NSD2: variants seen among roughly 807,000 people sequenced by gnomAD.
NSD2 encodes the protein histone-lysine N-methyltransferase NSD2.
A neutral mutation model predicts 139.0 loss-of-function variants in NSD2; 12 were observed. The observed-to-expected ratio is 0.09, with a 90% confidence interval of 0.06 to 0.14. The LOEUF (loss-of-function observed/expected upper bound fraction) is 0.14. Among genes scored for constraint, NSD2 ranks in the 10% least tolerant of loss-of-function variants. The pLI is 1.00. For missense variants in NSD2, 1,155 were observed against 1,745.0 expected, an observed-to-expected ratio of 0.66 and a Z score of 6.02; for synonymous variants, 669 against 648.7, an observed-to-expected ratio of 1.03 and a Z score of -0.48.
intron 1 of NSD2, among the ~76,000 whole-genome samples, chr4:1,892,569 ACT>A (rs1228120670): frequency 6.7e-6 from 1 of 148,352 alleles, no homozygotes; most frequent in Admixed American, 6.6e-5. Context: ...ACCACTGATA[ACT>A]CTTTTTTTTT....
intron 9 of NSD2, among the ~76,000 whole-genome samples, chr4:1,949,973 G>GTGT (rs1577522416): frequency 6.6e-6 from 1 of 152,052 alleles, no homozygotes; most frequent in Non-Finnish European, 1.5e-5. Context: ...TTCTGACTTC[G>GTGT]TGTTCATTGG....
intron 1 of NSD2, chr4:1,893,877 G>C (rs1050659719): frequency 1.3e-5 from 2 of 152,158 alleles, no homozygotes; most frequent in South Asian, 2.1e-4. Context: ...ATTTACCTGG[G>C]CATAAAATTC....
chr4:1,921,682 T>G (rs1720145054), intron 5 of NSD2, among the ~76,000 whole-genome samples: 1 of 144,208 alleles, frequency 6.9e-6, no homozygotes, highest in African/African-American at 2.6e-5. Flanking sequence ...CTTGAGAGGT[T>G]GAGAAAGGAG....
intron 3 of NSD2, among the ~76,000 whole-genome samples, chr4:1,905,164 A>C (rs768444159): frequency 6.6e-6 from 1 of 152,188 alleles, no homozygotes; most frequent in Non-Finnish European, 1.5e-5. Context: ...TGTCCCTGAT[A>C]CAGAGCAAAT....
rs78328023 is a variant in NSD2, at chr4:1,948,064, G to A, written c.1882-3008G>A. 7,658 of 1,057,352 alleles carry A rather than the reference G, an allele frequency of 7.2e-3. 185 individuals are homozygous for A. In the African/African-American group the frequency reaches 0.074, roughly 10 times the overall value. 65.5% of individuals were successfully genotyped at this position (1,057,352 alleles called of 1,614,324 possible). On this transcript the variant is annotated intron_variant, in intron 9 of 21. Transcript: ENST00000508803. The surrounding 1 kb of genome is among the most constrained non-coding windows in gnomAD (Gnocchi z 4.5). ...ATAGATCAAGGAGACTGCATTCCCTGCCCTGAAGGAATGTATTTCTAAGGC... is the reference window on the plus strand; with the variant it reads ...ATAGATCAAGGAGACTGCATTCCCTACCCTGAAGGAATGTATTTCTAAGGC...
At chr4:1,919,656 A>G (rs575764510) in intron 5 of NSD2, among the ~76,000 whole-genome samples, 1 of 152,260 alleles carries the variant, frequency 6.6e-6, no homozygotes, top group South Asian at 2.1e-4. Context: ...AGTGTTGGCC[A>G]GGCACAGTGG....
chr4:1,911,283 C>A (rs1241253852), intron 3 of NSD2, among the ~76,000 whole-genome samples: 3 of 151,978 alleles, frequency 2.0e-5, no homozygotes, highest in Non-Finnish European at 4.4e-5. Flanking sequence ...GATTAATGAA[C>A]ATCAGAAATT....
At chr4:1,937,907 G>C (rs531809999) in intron 7 of NSD2, among the ~76,000 whole-genome samples, 2 of 152,334 alleles carry the variant, frequency 1.3e-5, no homozygotes, top group South Asian at 4.1e-4. Context: ...ATGTTTTACT[G>C]ATGATCTTTG....
In NSD2 at chr4:1,917,167, G is replaced by A. The variant is rs1426125251; in HGVS notation, c.927+130G>A. 6.0e-6 allele frequency: 6 copies of A among 1,007,902 alleles called. No homozygotes were observed. The South Asian group carries it at 1.0e-4, about 17-fold the overall frequency. 62.4% of individuals were successfully genotyped at this position (1,007,902 alleles called of 1,614,324 possible). The stretch of plus-strand genomic sequence containing the variant: ...TGGCTTAACAATCTCTTTCATTGTT[G>A]ACTTTTGCCCAAGGATGCCATGTTA... On this transcript the variant is annotated intron_variant, in intron 4 of 21. Coordinates refer to ENST00000508803, the MANE Select transcript of NSD2 (RefSeq NM_001042424.3).
chr4:1,885,871 C>G (rs1169660025), intron 1 of NSD2, among the ~76,000 whole-genome samples: 1 of 152,082 alleles, frequency 6.6e-6, no homozygotes, highest in Non-Finnish European at 1.5e-5. Flanking sequence ...GTGTGAGTTC[C>G]AGCCTAGAGT....
At chr4:1,891,624 G>A (rs532852601) in intron 1 of NSD2, among the ~76,000 whole-genome samples, 12 of 152,150 alleles carry the variant, frequency 7.9e-5, no homozygotes, top group African/African-American at 2.4e-4. Context: ...AGGCTGAGGC[G>A]GGCAGTTCAC....
intron 21 of NSD2, among the ~76,000 whole-genome samples, chr4:1,977,954 T>C (rs1004694326): frequency 1.3e-5 from 2 of 151,908 alleles, no homozygotes; most frequent in Non-Finnish European, 2.9e-5. Flanking sequence ...TGGTGAAACC[T>C]CATCTCTACT....
chr4:1,928,189 C>CATGT (rs1577464660), intron 5 of NSD2, among the ~76,000 whole-genome samples: 1 of 152,020 alleles, frequency 6.6e-6, no homozygotes. Flanking sequence ...AGGCATGAGC[C>CATGT]ATGTGTCCAG....
Position 1,978,882 on chromosome 4 carries a change from C to A in NSD2, c.4071C>A (p.Gly1357=). The change falls in exon 22 of 22, where the codon GGC becomes GGA. Residue 1357 remains glycine, a synonymous_variant. Coordinates refer to ENST00000508803, the MANE Select transcript of NSD2 (RefSeq NM_001042424.3). The part of the protein sequence containing the change: ...KPKGKRRRRR[G]WRRVTEGK ...AGGGGAAGAGGCGGCGGCGGAGGGG[C>A]TGGCGGAGAGTCACAGAGGGCAAAT... 1 of 1,580,020 alleles carries A rather than the reference C, an allele frequency of 6.3e-7. No homozygotes were observed.
chr4:1,874,148 T>C (rs143355773), intron 1 of NSD2, among the ~76,000 whole-genome samples: 25 of 152,376 alleles, frequency 1.6e-4, no homozygotes, highest in African/African-American at 6.0e-4. Context: ...TGTTTGGTTT[T>C]GCCTTTTTGT....
chr4:1,921,585 C>A (rs920551608), intron 5 of NSD2, among the ~76,000 whole-genome samples: 6 of 151,882 alleles, frequency 4.0e-5, no homozygotes, highest in Non-Finnish European at 8.8e-5. Context: ...AGTTTGAGAC[C>A]AGCATGGCCA....
chr4:1,949,979 A>G (rs1053679867), intron 9 of NSD2, among the ~76,000 whole-genome samples: 20 of 152,150 alleles, frequency 1.3e-4, no homozygotes, highest in Non-Finnish European at 2.9e-4. Context: ...CTTCGTGTTC[A>G]TTGGCAAACA....
At chr4:1,943,346 G>A (rs182047460) in intron 9 of NSD2, 23 of 1,042,376 alleles carry the variant, frequency 2.2e-5, no homozygotes, top group African/African-American at 1.8e-4. Flanking sequence ...GTAATGTAAC[G>A]CATGTAAGAT....
chr4:1,951,076 C>G lies in NSD2; in HGVS notation c.1886C>G (p.Ser629Trp). Reference sequence around the variant, plus strand: ...ATCCGCCTCCTTCATCTCTAGGTCTCGGACAGCCCGGGAGACGAGCCCTCG... The same window carrying G: ...ATCCGCCTCCTTCATCTCTAGGTCTGGGACAGCCCGGGAGACGAGCCCTCG... ...PSASLTENEVSDSPGDEPSES... is the reference protein window; with the variant it reads ...PSASLTENEVWDSPGDEPSES... Residue 629 changes from serine to tryptophan, a missense_variant, in exon 10 of 22, where the codon TCG becomes TGG. Ser to Trp is a radical substitution (Grantham distance 177). This residue lies in a region of NSD2 where 420 missense variants were observed against 469.0 expected (regional missense o/e 0.90). Coordinates refer to ENST00000508803, the MANE Select transcript of NSD2 (RefSeq NM_001042424.3). 1 of 1,614,056 alleles carries G rather than the reference C, an allele frequency of 6.2e-7. No individual in the cohort carries two copies. Among genetic ancestry groups the G allele is most frequent in the Non-Finnish European group, 8.5e-7 (1 of 1,179,966 alleles).
Sources: allele counts gnomAD v4.1 joint callset (sites outside exome capture counted in the v4.1 genomes callset), GRCh38; gene constraint gnomAD v4.1.1; regional missense constraint gnomAD v4.1.1; non-coding constraint Gnocchi (gnomAD v3.1); transcripts MANE v1.5; gene names NCBI Gene and HGNC (gene_info 2026-07-23, HGNC 2026-07-21).